HLCS: variants seen among roughly 807,000 people sequenced by gnomAD.
HLCS encodes the protein holocarboxylase synthetase.
Under a neutral mutation model 75.0 loss-of-function variants are expected in HLCS, and 53 were observed. The observed-to-expected ratio is 0.71, with a 90% confidence interval of 0.57 to 0.89. The LOEUF is 0.89. HLCS is among the 40% of genes least tolerant of loss of function. HLCS has a pLI of 0.00. For missense variants in HLCS, 966 were observed against 1,074.0 expected (o/e 0.90, Z 1.41); for synonymous variants, 431 against 428.6 (o/e 1.01, Z -0.07).
At chr21:36,772,834 A>G (rs1232619881) in intron 6 of HLCS, among the ~76,000 whole-genome samples, 1 of 151,984 alleles carries the variant, frequency 6.6e-6, no homozygotes. Context: ...TACAGAAATT[A>G]GCTGGGCATG....
chr21:36,773,347 C>T (rs908734935), intron 6 of HLCS, among the ~76,000 whole-genome samples: 2 of 152,252 alleles, frequency 1.3e-5, no homozygotes, highest in African/African-American at 4.8e-5. Context: ...AGGCCAAGGC[C>T]ACGGAGGGCT....
At chr21:36,784,859 G>A (rs940202229) in intron 6 of HLCS, among the ~76,000 whole-genome samples, 6 of 151,980 alleles carry the variant, frequency 3.9e-5, no homozygotes, top group African/African-American at 1.5e-4. Context: ...AGCTCTGTAC[G>A]TATTCTGCTT....
At chr21:36,853,713 A>C (rs561997930) in intron 6 of HLCS, among the ~76,000 whole-genome samples, 5 of 152,342 alleles carry the variant, frequency 3.3e-5, no homozygotes, top group African/African-American at 1.2e-4. Context: ...ATTCTTTCAC[A>C]AATCAGGTGG....
At chr21:36,828,404 A>AATGT (rs60452219) in intron 6 of HLCS, among the ~76,000 whole-genome samples, 6 of 151,408 alleles carry the variant, frequency 4.0e-5, no homozygotes, top group African/African-American at 1.5e-4. Flanking sequence ...TGAATGAATG[A>AATGT]GTGAATAAAT....
intron 6 of HLCS, among the ~76,000 whole-genome samples, chr21:36,892,237 T>A (rs957828350): frequency 1.3e-5 from 2 of 152,130 alleles, no homozygotes; most frequent in African/African-American, 2.4e-5. Context: ...AAGCCCATCC[T>A]CTCCAGCATC....
rs768994200 is a variant in HLCS at position 36,937,318 on chromosome 21, G to A, written c.568C>T (p.Pro190Ser). 6.2e-7 allele frequency: 1 copy of A among 1,614,072 alleles called. No individual in the cohort carries two copies. The change falls in exon 4 of 11, where the codon CCG (proline) becomes TCG (serine). Residue 190 changes from proline (P) to serine (S), a missense_variant. Coordinates refer to ENST00000674895, the MANE Select transcript of HLCS (RefSeq NM_001352514.2). ...ATCTCAAGAGAAGGTTCAGGCTTCG[G>A]CTCTAGGATCTGGGCTTGCTTGTTT... is the stretch of plus-strand genomic sequence containing the variant. Reference protein sequence around the residue: ...VSNKQAQILEPKPEPSLEIKP... With the variant: ...VSNKQAQILESKPEPSLEIKP...
chr21:36,907,029 C>G (rs1204127677), intron 5 of HLCS, among the ~76,000 whole-genome samples: 1 of 152,136 alleles, frequency 6.6e-6, no homozygotes, highest in Non-Finnish European at 1.5e-5. Context: ...CCCACCTTGG[C>G]CTGTTTGATT....
intron 5 of HLCS, among the ~76,000 whole-genome samples, chr21:36,908,470 G>C (rs2065559276): frequency 6.6e-6 from 1 of 152,028 alleles, no homozygotes; most frequent in Admixed American, 6.6e-5. Context: ...TGCCCTACTG[G>C]TGGGAATGTA....
chr21:36,968,960 T>C (rs116145665), upstream of HLCS, among the ~76,000 whole-genome samples: 868 of 152,342 alleles, frequency 5.7e-3, 9 homozygotes, highest in African/African-American at 0.019. Flanking sequence ...TGTTTCGAGA[T>C]ATGGTCTCAG....
chr21:36,846,440 A>T (rs926066907), intron 6 of HLCS, among the ~76,000 whole-genome samples: 23 of 152,080 alleles, frequency 1.5e-4, no homozygotes, highest in African/African-American at 5.6e-4. Context: ...TGGTGTTTCC[A>T]ACCAGGCAGG....
At chr21:36,871,938 T>C (rs2063783528) in intron 6 of HLCS, among the ~76,000 whole-genome samples, 1 of 152,174 alleles carries the variant, frequency 6.6e-6, no homozygotes, top group Non-Finnish European at 1.5e-5. Flanking sequence ...CACAGTGAGA[T>C]ACAACTGCAC....
At chr21:36,961,944 ACT>A in intron 2 of HLCS, 90 bp downstream of exon 2, 1 of 745,616 alleles carries the variant, frequency 1.3e-6, no homozygotes, top group Non-Finnish European at 1.9e-6. Context: ...ACAGAGCAAG[ACT>A]CTGTCTCAGG....
chr21:36,754,387 C>T lies in HLCS; in HGVS notation c.2481G>A (p.Glu827=). Residue 827 remains glutamate, a synonymous_variant, in exon 11 of 11, where the codon GAG becomes GAA. Transcript: ENST00000674895. ...SGQQVHLGSA[E]GPKVSIVGLD... is the part of the protein sequence containing the mutation. Reference sequence around the variant, plus strand: ...GGCCAACGATGGACACCTTTGGTCCCTCTGCGCTGCCCAGATGGACTTGCT... The same window carrying T: ...GGCCAACGATGGACACCTTTGGTCCTTCTGCGCTGCCCAGATGGACTTGCT... 6.2e-7 allele frequency: 1 copy of T among 1,613,616 alleles called. No homozygotes were observed. The highest frequency in any genetic ancestry group is 1.1e-5 in the South Asian group (1 of 91,014).
At chr21:36,872,284 G>A (rs1378501791) in intron 6 of HLCS, among the ~76,000 whole-genome samples, 12 of 151,724 alleles carry the variant, frequency 7.9e-5, no homozygotes, top group African/African-American at 1.9e-4. Context: ...TTAGCCAGGC[G>A]TGGTGGCGGG....
chr21:36,764,875 A>G (rs1306201834), intron 8 of HLCS, 137 bp downstream of exon 8: 8 of 905,678 alleles, frequency 8.8e-6, no homozygotes, highest in Non-Finnish European at 1.1e-5. Context: ...AAACTCCGAG[A>G]GCACTTTGCT....
chr21:36,978,673 G>C (rs2069010817), intron 1 of HLCS, among the ~76,000 whole-genome samples: 1 of 152,204 alleles, frequency 6.6e-6, no homozygotes, highest in Admixed American at 6.5e-5. Flanking sequence ...AGCTGGGGCA[G>C]AGAAGAGTGC....
intron 6 of HLCS, among the ~76,000 whole-genome samples, chr21:36,865,917 C>T (rs4146071): frequency 0.9 from 137,711 of 152,250 alleles, 62,518 homozygotes; most frequent in African/African-American, 0.98. Flanking sequence ...CTTGTAAAAG[C>T]TCAAGTAAAA....
At chr21:36,813,236 T>G (rs1231352544) in intron 6 of HLCS, among the ~76,000 whole-genome samples, 1 of 152,242 alleles carries the variant, frequency 6.6e-6, no homozygotes, top group Non-Finnish European at 1.5e-5. Flanking sequence ...CTCATGATAC[T>G]AAGCAACGCA....
At chr21:36,809,210 A>G (rs1218705655) in intron 6 of HLCS, among the ~76,000 whole-genome samples, 1 of 146,528 alleles carries the variant, frequency 6.8e-6, no homozygotes, top group Non-Finnish European at 1.5e-5. Flanking sequence ...CGAGACCTCA[A>G]CTTAAAAAAA....
Sources: allele counts gnomAD v4.1 joint callset (sites outside exome capture counted in the v4.1 genomes callset), GRCh38; gene constraint gnomAD v4.1.1; transcripts MANE v1.5; gene names NCBI Gene and HGNC (gene_info 2026-07-23, HGNC 2026-07-21).